Variants in LOXL1 observed in about 807,000 individuals in gnomAD.
LOXL1 encodes lysyl oxidase homolog 1.
A neutral mutation model predicts 62.2 loss-of-function variants in LOXL1; 31 were observed. The observed-to-expected ratio is 0.50, with a 90% CI of 0.37 to 0.67. LOXL1 has a LOEUF of 0.67. Among genes scored for constraint, LOXL1 ranks in the 30% least tolerant of loss-of-function variants. The probability of loss-of-function intolerance (pLI) is 0.00; values close to 1 mark genes in which losing one functional copy is unlikely to be tolerated. For missense variants in LOXL1, 775 were observed against 843.4 expected, an observed-to-expected ratio of 0.92 and a Z score of 1.00; for synonymous variants, 403 against 384.4, an observed-to-expected ratio of 1.05 and a Z score of -0.56.
At position 73,927,631 on chromosome 15, in the gene LOXL1, C is replaced by T; in HGVS notation, c.848C>T (p.Thr283Ile). Residue 283 changes from threonine to isoleucine, a missense_variant, in exon 1 of 7, where the codon ACC becomes ATC. Coordinates refer to ENST00000261921, the MANE Select transcript of LOXL1 (RefSeq NM_005576.4). ...RYSHSLYSEG[T>I]PGFEQAYPDP... ...TCGCACAGTCTGTACAGCGAGGGCA[C>T]CCCCGGCTTCGAGCAGGCCTACCCT... 1.3e-6 allele frequency: 2 copies of T among 1,487,702 alleles called. No homozygotes were observed. Among genetic ancestry groups the T allele is most frequent in the East Asian group, 2.9e-5 (1 of 34,744 alleles). The allele number at this position is 1,487,702 out of a possible 1,614,324, so 92.2% of individuals were successfully genotyped here.
At chr15:73,938,024 C>G (rs1006426587) in intron 1 of LOXL1, among the ~76,000 whole-genome samples, 3 of 152,180 alleles carry the variant, frequency 2.0e-5, no homozygotes, top group Non-Finnish European at 4.4e-5. Flanking sequence ...CGGTCACTCA[C>G]CCCTGTAATC....
intron 6 of LOXL1, 145 bp downstream of exon 6, chr15:73,949,719 C>T (rs1300055917): frequency 1.6e-6 from 1 of 643,872 alleles, no homozygotes; most frequent in African/African-American, 1.8e-5. Context: ...CAAAAAGAGC[C>T]TTGTCCGTGC....
At position 73,946,398 on chromosome 15, in the gene LOXL1, T is replaced by TCCCCCCCCCTCC; in HGVS notation, c.1212-14_1212-13insCCCCTCCCCCCC. ...CACTGTGCCCCAACCCCCCCTCATC[T>TCCCCCCCCCTCC]CCCCCGCCGTCCCTGCAGCACAGCC... On this transcript the variant is annotated intron_variant, in intron 2 of 6. Coordinates refer to ENST00000261921, the MANE Select transcript of LOXL1 (RefSeq NM_005576.4). 1.5e-6 allele frequency: 2 copies of TCCCCCCCCCTCC among 1,360,918 alleles called. No individual in the cohort carries two copies. Among genetic ancestry groups the TCCCCCCCCCTCC allele is most frequent in the South Asian group, 1.2e-5 (1 of 83,920 alleles). The allele number at this position is 1,360,918 out of a possible 1,614,324, so 84.3% of individuals were successfully genotyped here.
rs539993137 is a variant in LOXL1 at position 73,941,103 on chromosome 15, C to G, written c.1103-1751C>G. 2.0e-5 allele frequency among the ~76,000 whole-genome samples: 3 copies of G among 152,318 alleles called. No individual in the cohort carries two copies. The East Asian group carries it at 5.8e-4, about 29-fold the overall frequency. ...ATCCCTCTCATCCTCACCCCTCCCC[C>G]AGAGGCTTCCAGGGTCCAGAGAGTG... On this transcript the variant is annotated intron_variant, in intron 1 of 6. Transcript: ENST00000261921.
In LOXL1 at chr15:73,951,076, T is replaced by C. The variant is rs77843596; in HGVS notation, c.1719-755T>C. The stretch of plus-strand genomic sequence containing the variant: ...GGGTCACCTAAGTGGTAGAAGCCAT[T>C]CTAGGGAAGGAGGAGGAAGGAAGAA... On this transcript the variant is annotated intron_variant, in intron 6 of 6. Coordinates refer to ENST00000261921, the MANE Select transcript of LOXL1 (RefSeq NM_005576.4). 1.6e-3 allele frequency among the ~76,000 whole-genome samples: 251 copies of C among 152,184 alleles called. 3 individuals are homozygous for C. The highest frequency in any genetic ancestry group is 5.7e-3 in the African/African-American group (236 of 41,514).
intron 1 of LOXL1, 56 bp from the exon 2 acceptor site, chr15:73,942,798 G>A: frequency 9.2e-7 from 1 of 1,091,090 alleles, no homozygotes. Flanking sequence ...CCAACCTGAT[G>A]CTCTCAATGT....
intron 1 of LOXL1, among the ~76,000 whole-genome samples, chr15:73,937,802 G>C (rs1378897484): frequency 6.6e-6 from 1 of 152,198 alleles, no homozygotes; most frequent in Admixed American, 6.5e-5. Context: ...CATCCACCCA[G>C]TCTTTGGGTG....
chr15:73,929,549 G>A (rs2141621290), intron 1 of LOXL1, among the ~76,000 whole-genome samples: 1 of 152,350 alleles, frequency 6.6e-6, no homozygotes, highest in Non-Finnish European at 1.5e-5. Flanking sequence ...TCGCTTTTGA[G>A]TTGTGTGCTG....
chr15:73,950,682 T>C lies in LOXL1; in HGVS notation c.1718+1108T>C, dbSNP rs559259758. Among the ~76,000 whole-genome samples, 36 of 152,148 alleles carry C rather than the reference T, an allele frequency of 2.4e-4. No individual in the cohort carries two copies. In the East Asian group the frequency reaches 6.4e-3, roughly 27 times the overall value. On this transcript the variant is annotated intron_variant, in intron 6 of 6. Coordinates refer to ENST00000261921, the MANE Select transcript of LOXL1 (RefSeq NM_005576.4). ...GTAGCCAGGCTCAGGGCTCAGTGTG[T>C]GACCAGGATCAGGGCTCAGTGTGTG...
chr15:73,928,021 C>G (rs545016561), intron 1 of LOXL1, 136 bp downstream of exon 1: 66 of 739,582 alleles, frequency 8.9e-5, no homozygotes, highest in Non-Finnish European at 1.1e-4. Context: ...CGCCCCCTCC[C>G]GACTTCCCCC....
In LOXL1 at chr15:73,926,869, A is replaced by G; in HGVS notation, c.86A>G (p.Gln29Arg). 6.4e-7 allele frequency: 1 copy of G among 1,553,152 alleles called. No homozygotes were observed. The change falls in exon 1 of 7, where the codon CAG becomes CGG. Residue 29 changes from glutamine to arginine, a missense_variant. Coordinates refer to ENST00000261921, the MANE Select transcript of LOXL1 (RefSeq NM_005576.4). The part of the protein sequence containing the change: ...LCVLVHGQQA[Q>R]PGQGSDPARW... ...GTGCTGGTGCACGGGCAGCAGGCGC[A>G]GCCCGGGCAGGGCTCGGACCCCGCC... is the stretch of plus-strand genomic sequence containing the variant.
chr15:73,936,812 T>A (rs770723795), intron 1 of LOXL1, among the ~76,000 whole-genome samples: 21 of 152,204 alleles, frequency 1.4e-4, no homozygotes, highest in Non-Finnish European at 1.9e-4. Flanking sequence ...CAGGAAGGAT[T>A]TAGGTCAGAA....
chr15:73,947,490 A>G, intron 4 of LOXL1: 2 of 504,626 alleles, frequency 4.0e-6, no homozygotes, highest in South Asian at 6.5e-5. Flanking sequence ...AACACGTCCT[A>G]TTGGCCTGTT....
intron 1 of LOXL1, among the ~76,000 whole-genome samples, chr15:73,940,586 C>T (rs979340293): frequency 6.6e-6 from 1 of 151,996 alleles, no homozygotes; most frequent in African/African-American, 2.4e-5. Flanking sequence ...CGGTGTGTGA[C>T]CAGCATCGGG....
intron 3 of LOXL1, 81 bp from the exon 4 acceptor site, chr15:73,946,986 G>T: frequency 7.2e-7 from 1 of 1,389,976 alleles, no homozygotes; most frequent in Non-Finnish European, 9.7e-7. Context: ...GGTCACCTGA[G>T]CCCATCTCAG....
chr15:73,926,726 C>A lies in LOXL1; in HGVS notation c.-58C>A. 1 of 1,351,918 alleles carries A rather than the reference C, an allele frequency of 7.4e-7. No homozygotes were observed. The highest frequency in any genetic ancestry group is 9.6e-7 in the Non-Finnish European group (1 of 1,046,746). 83.7% of individuals were successfully genotyped at this position (1,351,918 alleles called of 1,614,324 possible). ...TCGAGGCCGTGGGAAGAGAAGCACGCCCAGGGGGCCACTCCTGAGAGCCTC... is the reference window on the plus strand; with the variant it reads ...TCGAGGCCGTGGGAAGAGAAGCACGACCAGGGGGCCACTCCTGAGAGCCTC... On this transcript the variant is annotated 5_prime_UTR_variant, in exon 1 of 7. Coordinates refer to ENST00000261921, the MANE Select transcript of LOXL1 (RefSeq NM_005576.4).
chr15:73,947,798 C>T lies in LOXL1; in HGVS notation c.1507-9C>T, dbSNP rs763845663. ...AGCATCACAGCCGCTCCTCTTGTCC[C>T]TTTCCCAGGGCCTGAGCCCAGGCTG... On this transcript the variant is annotated splice_polypyrimidine_tract_variant and intron_variant, in intron 4 of 6. Coordinates refer to ENST00000261921, the MANE Select transcript of LOXL1 (RefSeq NM_005576.4). 1.9e-6 allele frequency: 3 copies of T among 1,600,568 alleles called. No homozygotes were observed. Among genetic ancestry groups the T allele is most frequent in the East Asian group, 2.2e-5 (1 of 44,654 alleles).
At chr15:73,937,780 T>C (rs1380502492) in intron 1 of LOXL1, among the ~76,000 whole-genome samples, 2 of 152,212 alleles carry the variant, frequency 1.3e-5, no homozygotes, top group Non-Finnish European at 2.9e-5. Flanking sequence ...TCCTGGGTAG[T>C]CTGAGCAAGC....
chr15:73,934,143 G>A (rs947489858), intron 1 of LOXL1, among the ~76,000 whole-genome samples: 2 of 152,212 alleles, frequency 1.3e-5, no homozygotes, highest in African/African-American at 4.8e-5. Context: ...CTGCTTGTGG[G>A]CCAGCTGGAA....
Sources: allele counts gnomAD v4.1 joint callset (sites outside exome capture counted in the v4.1 genomes callset), GRCh38; gene constraint gnomAD v4.1.1; transcripts MANE v1.5; gene names NCBI Gene and HGNC (gene_info 2026-07-23, HGNC 2026-07-21).